SCG3: variants seen among roughly 807,000 people sequenced by gnomAD.
SCG3 encodes the protein secretogranin-3.
Under a neutral mutation model 56.2 loss-of-function variants are expected in SCG3, and 38 were observed. The observed-to-expected ratio is 0.68, with a 90% CI of 0.52 to 0.89. SCG3 has a LOEUF of 0.89. SCG3 is among the 40% of genes least tolerant of loss of function. The pLI, the probability that SCG3 is intolerant of heterozygous loss-of-function variation, is 0.00. For missense variants in SCG3, 524 were observed against 540.7 expected (o/e 0.97, Z 0.31); for synonymous variants, 176 against 184.2 (o/e 0.96, Z 0.36).
chr15:51,684,143 C>T (rs1471966813), intron 4 of SCG3, among the ~76,000 whole-genome samples: 1 of 152,004 alleles, frequency 6.6e-6, no homozygotes, highest in Non-Finnish European at 1.5e-5. Flanking sequence ...TTTATCTTTT[C>T]CCTCACCTCT....
At chr15:51,686,440 T>G (rs904054607) in intron 4 of SCG3, among the ~76,000 whole-genome samples, 2 of 152,180 alleles carry the variant, frequency 1.3e-5, no homozygotes, top group African/African-American at 4.8e-5. Context: ...TCTCAGTTAT[T>G]TTCCAGGTCT....
Position 51,692,352 on chromosome 15 carries a change from T to C in SCG3, c.868+16T>C, listed in dbSNP as rs185183772. On this transcript the variant is annotated intron_variant, in intron 7 of 11. Transcript: ENST00000220478. ...ATTGATTCAGGTAACCACTGTGTGGTTGTGATTATGTGGAACAGAAAGAGT... is the reference window on the plus strand; with the variant it reads ...ATTGATTCAGGTAACCACTGTGTGGCTGTGATTATGTGGAACAGAAAGAGT... 458 of 1,606,560 alleles carry C rather than the reference T, an allele frequency of 2.9e-4. 6 individuals are homozygous for C. In the African/African-American group the frequency reaches 5.6e-3, roughly 20 times the overall value.
intron 11 of SCG3, 110 bp downstream of exon 11, chr15:51,713,523 C>G: frequency 1.6e-6 from 1 of 624,358 alleles, no homozygotes; most frequent in Non-Finnish European, 2.7e-6. Context: ...CCCCGCAGAG[C>G]CCAAAAAAGA....
intron 2 of SCG3, among the ~76,000 whole-genome samples, chr15:51,682,805 G>A (rs188571407): frequency 6.6e-6 from 1 of 152,266 alleles, no homozygotes; most frequent in East Asian, 1.9e-4. Context: ...AACCCAGTAA[G>A]CTCAGCATCA....
intron 10 of SCG3, among the ~76,000 whole-genome samples, chr15:51,706,040 G>C (rs1162905785): frequency 6.6e-6 from 1 of 152,148 alleles, no homozygotes; most frequent in Non-Finnish European, 1.5e-5. Flanking sequence ...AAAAAAAAAT[G>C]TATTAATCCC....
intron 10 of SCG3, among the ~76,000 whole-genome samples, chr15:51,705,100 A>T (rs1287235251): frequency 1.3e-5 from 2 of 152,090 alleles, no homozygotes; most frequent in Non-Finnish European, 2.9e-5. Flanking sequence ...ACAGAGAACC[A>T]CGAATTGGGC....
intron 11 of SCG3, among the ~76,000 whole-genome samples, chr15:51,715,387 G>A (rs2055447263): frequency 6.6e-6 from 1 of 152,056 alleles, no homozygotes; most frequent in Non-Finnish European, 1.5e-5. Context: ...GTCATGCAGT[G>A]GCTGCAGCTG....
At chr15:51,710,045 G>GT (rs2055410832) in intron 10 of SCG3, among the ~76,000 whole-genome samples, 4 of 151,614 alleles carry the variant, frequency 2.6e-5, no homozygotes, top group South Asian at 4.2e-4. Context: ...CGGCTTGTAA[G>GT]TTTTTTTAAG....
intron 10 of SCG3, among the ~76,000 whole-genome samples, chr15:51,712,397 A>G (rs2055426069): frequency 6.6e-6 from 1 of 151,740 alleles, no homozygotes; most frequent in Non-Finnish European, 1.5e-5. Flanking sequence ...CTTGGTGCTG[A>G]CTCCCTAAGC....
At chr15:51,711,438 C>G (rs185796948) in intron 10 of SCG3, among the ~76,000 whole-genome samples, 181 of 152,292 alleles carry the variant, frequency 1.2e-3, no homozygotes, top group African/African-American at 4.0e-3. Flanking sequence ...TCAAAAGTTG[C>G]AAAAGCCCTA....
At chr15:51,685,646 C>G (rs1260744780) in intron 4 of SCG3, among the ~76,000 whole-genome samples, 1 of 152,164 alleles carries the variant, frequency 6.6e-6, no homozygotes, top group Non-Finnish European at 1.5e-5. Context: ...TTGAATAGAA[C>G]CTCAGATGCA....
At chr15:51,710,110 T>C (rs2055411144) in intron 10 of SCG3, among the ~76,000 whole-genome samples, 1 of 151,928 alleles carries the variant, frequency 6.6e-6, no homozygotes, top group Admixed American at 6.6e-5. Context: ...TAATTGCAAT[T>C]TGGCTTCTGT....
intron 7 of SCG3, chr15:51,693,990 G>A (rs2055285440): frequency 6.6e-6 from 1 of 152,146 alleles, no homozygotes; most frequent in Non-Finnish European, 1.5e-5. Context: ...TCTTTTCCAA[G>A]ACCTCTTCCC....
At chr15:51,689,407 G>A (rs757503292) in intron 6 of SCG3, 39 bp downstream of exon 6, 3 of 1,490,600 alleles carry the variant, frequency 2.0e-6, no homozygotes, top group South Asian at 2.5e-5. Context: ...GGGGGTGTGT[G>A]TGTGTGTGTG....
At position 51,688,342 on chromosome 15, in the gene SCG3, T is replaced by C. The variant is rs773461945; in HGVS notation, c.480T>C (p.Tyr160=). 3 of 1,613,766 alleles carry C rather than the reference T, an allele frequency of 1.9e-6. No homozygotes were observed. The highest frequency in any genetic ancestry group is 2.5e-6 in the Non-Finnish European group (3 of 1,179,842). ...TCCATAAAATCGCTGCCAGGATTTA[T>C]GAAGAAAATGACAGAGCCGTGTTTG... ...DIVHKIAARI[Y]EENDRAVFDK... is the part of the protein sequence containing the mutation. Residue 160 remains tyrosine (Y), a synonymous_variant, in exon 5 of 12, where the codon TAT becomes TAC. Transcript: ENST00000220478.
At chr15:51,704,593 G>A (rs1027753671) in intron 10 of SCG3, among the ~76,000 whole-genome samples, 5 of 150,458 alleles carry the variant, frequency 3.3e-5, no homozygotes, top group Admixed American at 6.6e-5. Flanking sequence ...ACCAGCTTAC[G>A]TAACTTAGCA....
chr15:51,708,856 C>CT (rs906375386), intron 10 of SCG3, among the ~76,000 whole-genome samples: 3 of 141,566 alleles, frequency 2.1e-5, no homozygotes, highest in African/African-American at 7.7e-5. Flanking sequence ...GAGACTCCAT[C>CT]TAAAAAAAAA....
intron 4 of SCG3, 83 bp from the exon 5 acceptor site, chr15:51,688,177 C>A: frequency 7.8e-7 from 1 of 1,287,196 alleles, no homozygotes; most frequent in Non-Finnish European, 1.1e-6. Context: ...TATACAAAAG[C>A]GAAGTACAGA....
At chr15:51,694,425 T>C (rs2055288440) in intron 7 of SCG3, among the ~76,000 whole-genome samples, 1 of 151,958 alleles carries the variant, frequency 6.6e-6, no homozygotes, top group African/African-American at 2.4e-5. Flanking sequence ...TCCAGGCAAG[T>C]GGAAAAAAAG....
Sources: gnomAD v4.1 joint callset for allele counts (sites outside exome capture counted in the v4.1 genomes callset) on GRCh38, gnomAD v4.1.1 for gene constraint, MANE v1.5 for transcripts, NCBI Gene and HGNC (gene_info 2026-07-23, HGNC 2026-07-21) for gene names.